TM2D3: variants seen among roughly 807,000 people sequenced by gnomAD.
TM2D3 encodes the protein TM2 domain containing 3.
In TM2D3, 33 loss-of-function variants were observed where a neutral mutation model predicts 27.3. The observed-to-expected ratio is 1.21, with a 90% confidence interval of 0.92 to 1.61. The LOEUF is 1.61. TM2D3 is among the 40% of genes most tolerant of loss of function. The pLI is 0.00. For missense variants in TM2D3, 364 were observed against 320.8 expected (o/e 1.13, Z -1.03); for synonymous variants, 138 against 122.2 (o/e 1.13, Z -0.85).
At chr15:101,651,963 C>G in intron 1 of TM2D3, 190 bp from the exon 2 acceptor site, 1 of 619,662 alleles carries the variant, frequency 1.6e-6, no homozygotes, top group African/African-American at 1.9e-5. Flanking sequence ...TCAGGTCAGC[C>G]GGCAACGAGG....
At chr15:101,651,959 C>A in intron 1 of TM2D3, 186 bp from the exon 2 acceptor site, 1 of 628,140 alleles carries the variant, frequency 1.6e-6, no homozygotes, top group Non-Finnish European at 2.8e-6. Flanking sequence ...CAGTTCAGGT[C>A]AGCCGGCAAC....
At chr15:101,636,952 A>G, downstream of TM2D3, 1 of 426,862 alleles carries the variant, frequency 2.3e-6, no homozygotes, top group South Asian at 1.7e-5. Flanking sequence ...ATATTTGAAG[A>G]GATTTATTCC....
At chr15:101,633,947 A>G in intron 4 of TM2D3, 1 of 442,960 alleles carries the variant, frequency 2.3e-6, no homozygotes, top group Non-Finnish European at 4.0e-6. Context: ...AAAATGCCTC[A>G]CTGAGCAATT....
At chr15:101,649,014 C>T (rs543597118) in intron 3 of TM2D3, among the ~76,000 whole-genome samples, 25 of 152,124 alleles carry the variant, frequency 1.6e-4, no homozygotes, top group Non-Finnish European at 3.2e-4. Context: ...GACCCTTATA[C>T]TCTCACAAAC....
intron 4 of TM2D3, chr15:101,646,437 T>A: frequency 1.1e-5 from 2 of 184,908 alleles, no homozygotes; most frequent in Non-Finnish European, 2.4e-5. Flanking sequence ...GCAATGGTAT[T>A]GGTGCTGCTT....
intron 2 of TM2D3, 200 bp downstream of exon 2, chr15:101,651,496 C>G (rs761947407): frequency 8.1e-6 from 4 of 494,430 alleles, no homozygotes; most frequent in Non-Finnish European, 1.4e-5. Context: ...AGAGAGGAGG[C>G]AGAAACGTCA....
At chr15:101,642,692 C>A in intron 5 of TM2D3, 48 bp from the exon 6 acceptor site, 1 of 1,505,364 alleles carries the variant, frequency 6.6e-7, no homozygotes, top group African/African-American at 1.4e-5. Flanking sequence ...TCCACCCCAG[C>A]TGTGGCCAGT....
intron 3 of TM2D3, 81 bp downstream of exon 3, chr15:101,649,923 C>T: frequency 1.5e-6 from 2 of 1,302,692 alleles, no homozygotes; most frequent in Non-Finnish European, 2.1e-6. Flanking sequence ...AGAATTTCTT[C>T]CCAATAATCA....
downstream of TM2D3, chr15:101,641,796 GT>G (rs1353456777): frequency 1.6e-5 from 10 of 632,280 alleles, no homozygotes; most frequent in Admixed American, 5.0e-4. Flanking sequence ...ATAAAGGTAA[GT>G]TGTAATGATT....
At chr15:101,647,879 A>G (rs2141367180) in intron 3 of TM2D3, among the ~76,000 whole-genome samples, 1 of 151,970 alleles carries the variant, frequency 6.6e-6, no homozygotes, top group South Asian at 2.1e-4. Flanking sequence ...GTATACATAT[A>G]TATACACATA....
At chr15:101,650,738 C>T (rs1332573829) in intron 2 of TM2D3, 2 of 152,242 alleles carry the variant, frequency 1.3e-5, no homozygotes, top group East Asian at 1.9e-4. Context: ...AAGTTCAAAA[C>T]AGTTCTCTAC....
At chr15:101,633,336 G>A in exon 5 of TM2D3, 1 of 252,720 alleles carries the variant, frequency 4.0e-6, no homozygotes, top group East Asian at 7.2e-5. Context: ...AATATTTTGG[G>A]CATCGCTTAG....
At chr15:101,643,624 C>CAAAA (rs978182591) in intron 5 of TM2D3, among the ~76,000 whole-genome samples, 6 of 96,318 alleles carry the variant, frequency 6.2e-5, no homozygotes, top group Non-Finnish European at 5.8e-5. Flanking sequence ...AAAAAAAAAG[C>CAAAA]AAAAAAAAAA....
downstream of TM2D3, among the ~76,000 whole-genome samples, chr15:101,638,976 C>G (rs981389337): frequency 1.2e-4 from 18 of 152,176 alleles, no homozygotes; most frequent in African/African-American, 4.1e-4. Context: ...GCAGGGCTCT[C>G]AGAGCTGAGC....
chr15:101,638,518 G>A (rs900740225), downstream of TM2D3, among the ~76,000 whole-genome samples: 4 of 152,084 alleles, frequency 2.6e-5, no homozygotes, highest in Non-Finnish European at 5.9e-5. Flanking sequence ...GGCTGGTCTC[G>A]AACTCCTAGC....
intron 1 of TM2D3, 43 bp from the exon 2 acceptor site, chr15:101,651,816 G>A (rs748322605): frequency 3.2e-5 from 51 of 1,605,492 alleles, no homozygotes; most frequent in Non-Finnish European, 3.9e-5. Flanking sequence ...CGTTATCCCG[G>A]GACAAGAAAA....
At chr15:101,642,672 T>C in intron 5 of TM2D3, 28 bp from the exon 6 acceptor site, 1 of 1,561,774 alleles carries the variant, frequency 6.4e-7, no homozygotes, top group Non-Finnish European at 8.7e-7. Context: ...CAGGATTCCA[T>C]GAGACCACCT....
intron 3 of TM2D3, 118 bp from the exon 4 acceptor site, chr15:101,647,017 GAGTA>G (rs1341718995): frequency 5.8e-6 from 6 of 1,037,904 alleles, no homozygotes; most frequent in Non-Finnish European, 8.6e-6. Context: ...TAGGACCTAG[GAGTA>G]AGTGCCAGAA....
At chr15:101,651,934 C>T in intron 1 of TM2D3, 161 bp from the exon 2 acceptor site, 1 of 722,798 alleles carries the variant, frequency 1.4e-6, no homozygotes, top group Admixed American at 2.3e-5. Context: ...GACGAAACGT[C>T]AACAGAGTAG....
Sources: gnomAD v4.1 joint callset for allele counts (sites outside exome capture counted in the v4.1 genomes callset) on GRCh38, gnomAD v4.1.1 for gene constraint, MANE v1.5 for transcripts, NCBI Gene and HGNC (gene_info 2026-07-23, HGNC 2026-07-21) for gene names.